Variants in HS3ST3A1 observed in about 807,000 individuals in gnomAD.
The protein encoded by HS3ST3A1 is heparan sulfate-glucosamine 3-sulfotransferase 3A1, also known as heparan sulfate glucosamine 3-O-sulfotransferase 3A1.
HS3ST3A1 carries 19 observed loss-of-function variants against 25.7 expected under a neutral mutation model. The ratio of observed to expected loss-of-function variants is 0.74; its 90% CI spans 0.52 to 1.08. The LOEUF (loss-of-function observed/expected upper bound fraction) is 1.08, where lower values mean the gene tolerates loss of function less well. Ranked by LOEUF, HS3ST3A1 falls within the 50% of genes least tolerant of loss-of-function variation. HS3ST3A1 has a pLI of 0.00. For missense variants in HS3ST3A1, 459 were observed against 594.3 expected (o/e 0.77, Z 2.37); for synonymous variants, 226 against 278.6 (o/e 0.81, Z 1.88).
In HS3ST3A1 at chr17:13,495,014, C is replaced by T. The variant is rs76385275; in HGVS notation, c.*1183G>A. On this transcript the variant is annotated 3_prime_UTR_variant, in exon 2 of 2. Coordinates refer to ENST00000284110, the MANE Select transcript of HS3ST3A1 (RefSeq NM_006042.3). ...ATTTTAAACGAACTGCTAATTAATT[C>T]TTTCAGAGTACTAGCTCCAAAGTTA... Among the ~76,000 whole-genome samples the T allele has an allele frequency of 6.6e-6, 1 of 152,224 alleles. No homozygotes were observed. Among genetic ancestry groups the T allele is most frequent in the Admixed American group, 6.5e-5 (1 of 15,296 alleles).
intron 1 of HS3ST3A1, among the ~76,000 whole-genome samples, chr17:13,584,826 G>A (rs1331390682): frequency 2.6e-5 from 4 of 152,166 alleles, no homozygotes; most frequent in Non-Finnish European, 5.9e-5. Flanking sequence ...GGTGACTCAA[G>A]TCCAGGAAAG....
At chr17:13,582,193 C>A (rs1908132438) in intron 1 of HS3ST3A1, among the ~76,000 whole-genome samples, 1 of 151,900 alleles carries the variant, frequency 6.6e-6, no homozygotes, top group African/African-American at 2.4e-5. Context: ...AATCTGAGTT[C>A]AATAGTTCAA....
chr17:13,560,084 G>C (rs1907490130), intron 1 of HS3ST3A1, among the ~76,000 whole-genome samples: 1 of 151,118 alleles, frequency 6.6e-6, no homozygotes, highest in Non-Finnish European at 1.5e-5. Context: ...GAGGTCAGGA[G>C]TTCAAGACCA....
intron 1 of HS3ST3A1, among the ~76,000 whole-genome samples, chr17:13,567,210 G>A (rs1021896586): frequency 1.3e-5 from 2 of 152,080 alleles, no homozygotes; most frequent in Non-Finnish European, 2.9e-5. Flanking sequence ...GAACAACAAA[G>A]CCTGGATGAC....
chr17:13,559,924 TTTC>T (rs1289915687), intron 1 of HS3ST3A1, among the ~76,000 whole-genome samples: 1 of 152,046 alleles, frequency 6.6e-6, no homozygotes, highest in Non-Finnish European at 1.5e-5. Context: ...CCCATCTTGT[TTTC>T]TTAACAATTC....
chr17:13,541,996 G>A (rs755875665), intron 1 of HS3ST3A1, among the ~76,000 whole-genome samples: 3 of 152,084 alleles, frequency 2.0e-5, no homozygotes, highest in African/African-American at 4.8e-5. Flanking sequence ...CAATGTGACT[G>A]TATTTGAAGA....
chr17:13,595,835 G>A (rs1176026554), intron 1 of HS3ST3A1, among the ~76,000 whole-genome samples: 1 of 130,518 alleles, frequency 7.7e-6, no homozygotes, highest in Non-Finnish European at 1.6e-5. Context: ...GGAGAGATAC[G>A]AGGCCTTTTT....
At chr17:13,564,678 A>G (rs1907632207) in intron 1 of HS3ST3A1, among the ~76,000 whole-genome samples, 2 of 147,776 alleles carry the variant, frequency 1.4e-5, no homozygotes, top group African/African-American at 2.5e-5. Flanking sequence ...GAACCCACAG[A>G]TGTGGAATGT....
At chr17:13,584,247 G>A (rs1180401868) in intron 1 of HS3ST3A1, among the ~76,000 whole-genome samples, 1 of 152,160 alleles carries the variant, frequency 6.6e-6, no homozygotes, top group Non-Finnish European at 1.5e-5. Flanking sequence ...TTTCATACTT[G>A]CAATGGAGCT....
chr17:13,496,412 T>C lies in HS3ST3A1; in HGVS notation c.1006A>G (p.Ile336Val). ...VQDFLGLKRI[I>V]TDKHFYFNKT... Reference sequence around the variant, plus strand: ...TTGAAGTAGAAGTGCTTGTCCGTGATGATCCTCTTGAGGCCCAGGAAGTCT... The same window carrying C: ...TTGAAGTAGAAGTGCTTGTCCGTGACGATCCTCTTGAGGCCCAGGAAGTCT... Residue 336 changes from isoleucine (I) to valine (V), a missense_variant, in exon 2 of 2, where the codon ATC (isoleucine) becomes GTC (valine). Physicochemically the swap from Ile to Val is conservative, Grantham distance 29 (BLOSUM62 3). Around this residue, in one of 3 missense-constraint regions of HS3ST3A1, gnomAD observed 67 missense variants for 231.4 expected, o/e 0.29. Transcript: ENST00000284110. The C allele has an allele frequency of 7.3e-6, 10 of 1,361,176 alleles. No homozygotes were observed. The highest frequency in any genetic ancestry group is 9.2e-6 in the Non-Finnish European group (9 of 982,346). The allele number at this position is 1,361,176 out of a possible 1,614,324, so 84.3% of individuals were successfully genotyped here.
chr17:13,526,749 G>A (rs1018037120), intron 1 of HS3ST3A1, among the ~76,000 whole-genome samples: 27 of 151,944 alleles, frequency 1.8e-4, no homozygotes, highest in South Asian at 8.3e-4. Context: ...CCAGGTTCAA[G>A]CGATTCTCCT....
At chr17:13,505,470 A>G (rs915209847) in intron 1 of HS3ST3A1, among the ~76,000 whole-genome samples, 17 of 152,190 alleles carry the variant, frequency 1.1e-4, no homozygotes, top group African/African-American at 4.1e-4. Context: ...AAAGGACTGC[A>G]GGTGGTTTAA....
intron 1 of HS3ST3A1, among the ~76,000 whole-genome samples, chr17:13,553,735 A>T (rs1907300756): frequency 6.6e-6 from 1 of 152,184 alleles, no homozygotes; most frequent in African/African-American, 2.4e-5. Context: ...TTCTTTCTAG[A>T]CATGTGAAAT....
intron 1 of HS3ST3A1, among the ~76,000 whole-genome samples, chr17:13,529,826 A>G (rs1906546991): frequency 6.6e-6 from 1 of 152,096 alleles, no homozygotes; most frequent in African/African-American, 2.4e-5. Flanking sequence ...TTTTAGGGTT[A>G]CTCCATGAAA....
intron 1 of HS3ST3A1, among the ~76,000 whole-genome samples, chr17:13,552,236 C>G (rs1598424253): frequency 6.6e-6 from 1 of 152,152 alleles, no homozygotes; most frequent in Non-Finnish European, 1.5e-5. Flanking sequence ...CACACCACCA[C>G]ACCCTGCTAA....
chr17:13,567,542 C>T (rs7223591), intron 1 of HS3ST3A1, among the ~76,000 whole-genome samples: 7,659 of 152,252 alleles, frequency 0.05, 429 homozygotes, highest in East Asian at 0.13. Context: ...CTGGAAAGAA[C>T]TCACCATTCT....
intron 1 of HS3ST3A1, among the ~76,000 whole-genome samples, chr17:13,520,453 GC>G (rs1220508411): frequency 6.6e-6 from 1 of 152,144 alleles, no homozygotes; most frequent in Non-Finnish European, 1.5e-5. Context: ...AGGGTAACTT[GC>G]CAAATGTTAC....
chr17:13,553,758 T>C (rs1440852321), intron 1 of HS3ST3A1, among the ~76,000 whole-genome samples: 1 of 152,206 alleles, frequency 6.6e-6, no homozygotes, highest in African/African-American at 2.4e-5. Context: ...TACTAGTTTA[T>C]CAAAATACCT....
At chr17:13,550,085 G>A (rs1329259545) in intron 1 of HS3ST3A1, among the ~76,000 whole-genome samples, 1 of 152,122 alleles carries the variant, frequency 6.6e-6, no homozygotes, top group Non-Finnish European at 1.5e-5. Flanking sequence ...TTTGCTAAAT[G>A]TTGTATATGC....
Sources: gnomAD v4.1 joint callset for allele counts (sites outside exome capture counted in the v4.1 genomes callset) on GRCh38, gnomAD v4.1.1 for gene constraint, gnomAD v4.1.1 regional missense constraint, MANE v1.5 for transcripts, NCBI Gene and HGNC (gene_info 2026-07-23, HGNC 2026-07-21) for gene names.